CFAP74: variants seen among roughly 807,000 people sequenced by gnomAD.
The protein encoded by CFAP74 is cilia and flagella associated protein 74, also known as cilia- and flagella-associated protein 74.
Under a neutral mutation model 188.9 loss-of-function variants are expected in CFAP74, and 124 were observed. The ratio of observed to expected loss-of-function variants is 0.66; its 90% CI spans 0.57 to 0.76. The LOEUF (loss-of-function observed/expected upper bound fraction) is 0.76, where lower values mean the gene tolerates loss of function less well. Among genes scored for constraint, CFAP74 ranks in the 30% least tolerant of loss-of-function variants. The pLI is 0.00. For synonymous variants in CFAP74, 956 were observed against 916.7 expected, an observed-to-expected ratio of 1.04 and a Z score of -0.77; for missense variants, 2,198 against 2,165.2, an observed-to-expected ratio of 1.02 and a Z score of -0.30.
At chr1:1,938,793 G>A in intron 25 of CFAP74, 62 bp downstream of exon 25, 1 of 1,505,430 alleles carries the variant, frequency 6.6e-7, no homozygotes, top group Non-Finnish European at 8.9e-7. Context: ...GAGCTGGGAA[G>A]GGGGGCCCCT....
intron 10 of CFAP74, among the ~76,000 whole-genome samples, chr1:1,969,516 C>T (rs1655776033): frequency 6.6e-6 from 1 of 152,010 alleles, no homozygotes; most frequent in African/African-American, 2.4e-5. Context: ...AGTCCCCCAG[C>T]AGCCTTGGCT....
In CFAP74 at chr1:1,973,968, G is replaced by A. The variant is rs942014896; in HGVS notation, c.674+57C>T. On this transcript the variant is annotated intron_variant, in intron 7 of 38. Coordinates refer to ENST00000682832, the MANE Select transcript of CFAP74 (RefSeq NM_001304360.2). The surrounding 1 kb of genome is among the most constrained non-coding windows in gnomAD (Gnocchi z 6.2). ...TCTGGAGACCCCTGGGGGAGAGGGC[G>A]GAGGGGCTGGCAGAAGCTGCTGGGA... 16 of 1,447,772 alleles carry A rather than the reference G, an allele frequency of 1.1e-5. 1 individual carries two copies. Among genetic ancestry groups the A allele is most frequent in the East Asian group, 7.8e-5 (3 of 38,464 alleles). 89.7% of individuals were successfully genotyped at this position (1,447,772 alleles called of 1,614,324 possible).
At chr1:1,977,207 C>T (rs546105876) in intron 6 of CFAP74, among the ~76,000 whole-genome samples, 4 of 152,244 alleles carry the variant, frequency 2.6e-5, no homozygotes, top group South Asian at 2.1e-4. Flanking sequence ...CAAAGACTGA[C>T]GAACAATAGC....
Position 1,966,315 on chromosome 1 carries a change from C to T in CFAP74, c.1401+56G>A, listed in dbSNP as rs562176368. The T allele has an allele frequency of 4.3e-5, 61 of 1,412,130 alleles. 2 individuals carry two copies. The highest frequency in any genetic ancestry group is 2.6e-4 in the African/African-American group (18 of 68,070). The allele number at this position is 1,412,130 out of a possible 1,614,324, so 87.5% of individuals were successfully genotyped here. The stretch of plus-strand genomic sequence containing the variant: ...GGGGCAGGCGTGGGAGGTGGCGAGC[C>T]GGCGACAGAGGGCCGGGGTCCGTCT... On this transcript the variant is annotated intron_variant, in intron 12 of 38. Transcript: ENST00000682832.
chr1:1,964,846 G>A, intron 13 of CFAP74, 42 bp downstream of exon 13: 1 of 1,610,688 alleles, frequency 6.2e-7, no homozygotes, highest in Non-Finnish European at 8.5e-7. Context: ...CTGCTGTCCT[G>A]TGCTGCTGCC....
chr1:1,947,185 C>T, intron 18 of CFAP74, 131 bp from the exon 19 acceptor site: 1 of 729,376 alleles, frequency 1.4e-6, no homozygotes, highest in Non-Finnish European at 2.3e-6. Flanking sequence ...ATAGTGGAGC[C>T]ATCCGTGTGG....
At chr1:1,982,905 CCT>C (rs1656998384) in intron 6 of CFAP74, among the ~76,000 whole-genome samples, 1 of 152,224 alleles carries the variant, frequency 6.6e-6, no homozygotes, top group Admixed American at 6.5e-5. Context: ...GCGTTTCCCA[CCT>C]CTGTCTACTG....
chr1:1,988,871 C>G lies in CFAP74; in HGVS notation c.152+18G>C. ...CCACCCCCCCACACCCACCTCCACC[C>G]CCGATCCTCCGAGTTACCTGCTGTG... On this transcript the variant is annotated intron_variant, in intron 3 of 38. Transcript: ENST00000682832. The G allele has an allele frequency of 8.5e-7, 1 of 1,176,576 alleles. No homozygotes were observed. The highest frequency in any genetic ancestry group is 1.2e-5 in the South Asian group (1 of 80,368). 72.9% of individuals were successfully genotyped at this position (1,176,576 alleles called of 1,614,324 possible). A position where few individuals can be genotyped will look rare whatever the true frequency, so the allele number is the denominator to read the frequency against.
At chr1:1,983,025 G>A (rs1220213975) in intron 6 of CFAP74, among the ~76,000 whole-genome samples, 4 of 152,314 alleles carry the variant, frequency 2.6e-5, no homozygotes, top group South Asian at 2.1e-4. Context: ...CGCAGGATGC[G>A]GAAGGATGCC....
At chr1:1,959,595 C>T (rs78927713) in intron 15 of CFAP74, among the ~76,000 whole-genome samples, 16,513 of 152,196 alleles carry the variant, frequency 0.11, 1,563 homozygotes, top group African/African-American at 0.25. Flanking sequence ...TTACATGTGC[C>T]GTGGCTACCT....
chr1:2,003,403 T>C (rs1658298358), intron 1 of CFAP74, among the ~76,000 whole-genome samples: 1 of 152,158 alleles, frequency 6.6e-6, no homozygotes, highest in African/African-American at 2.4e-5. Context: ...CTCACGAGTC[T>C]TAACTGTTCA....
At chr1:1,999,376 A>C (rs1658084739) in intron 1 of CFAP74, among the ~76,000 whole-genome samples, 1 of 152,144 alleles carries the variant, frequency 6.6e-6, no homozygotes, top group African/African-American at 2.4e-5. Flanking sequence ...GTATGGGAAA[A>C]ATCAAAATTC....
intron 25 of CFAP74, among the ~76,000 whole-genome samples, chr1:1,936,727 G>A (rs1652922413): frequency 6.6e-6 from 1 of 151,812 alleles, no homozygotes; most frequent in Non-Finnish European, 1.5e-5. Context: ...AACATAGTGA[G>A]ACCCCATCTC....
intron 18 of CFAP74, 170 bp downstream of exon 18, chr1:1,955,521 A>C (rs1654544696): frequency 2.5e-6 from 4 of 1,609,370 alleles, no homozygotes; most frequent in African/African-American, 1.3e-5. Context: ...TCCAAAAACA[A>C]CACTTAGTGG....
chr1:1,992,409 T>C (rs1198105811), intron 1 of CFAP74, among the ~76,000 whole-genome samples: 1 of 152,028 alleles, frequency 6.6e-6, no homozygotes, highest in Admixed American at 6.6e-5. Context: ...CAGCCAGGAT[T>C]CACCCACCTC....
At chr1:1,954,406 C>A (rs1223758291) in intron 18 of CFAP74, 1 of 152,230 alleles carries the variant, frequency 6.6e-6, no homozygotes, top group East Asian at 1.9e-4. Context: ...TTTAAATAGC[C>A]AGATGTGGCA....
intron 1 of CFAP74, among the ~76,000 whole-genome samples, chr1:2,000,897 G>A (rs181697802): frequency 2.3e-4 from 35 of 152,192 alleles, no homozygotes; most frequent in East Asian, 7.7e-4. Context: ...TGAATCTCTC[G>A]CACAACCCCG....
chr1:1,927,385 C>T (rs920744311), intron 28 of CFAP74: 5 of 586,842 alleles, frequency 8.5e-6, no homozygotes, highest in African/African-American at 3.7e-5. Context: ...GCTCCCCACC[C>T]GTGGATTGAG....
At position 1,925,771 on chromosome 1, in the gene CFAP74, C is replaced by T. The variant is rs577741317; in HGVS notation, c.4104+12G>A. On this transcript the variant is annotated intron_variant, in intron 33 of 38. Coordinates refer to ENST00000682832, the MANE Select transcript of CFAP74 (RefSeq NM_001304360.2). ...AGGCTGGAGCCAGCACCAGGGCCCACGTGTGCTTCACCTTGAAGCCTGAGG... is the reference window on the plus strand; with the variant it reads ...AGGCTGGAGCCAGCACCAGGGCCCATGTGTGCTTCACCTTGAAGCCTGAGG... The T allele has an allele frequency of 1.2e-5, 19 of 1,606,612 alleles. 1 individual carries two copies. The highest frequency in any genetic ancestry group is 1.4e-5 in the Non-Finnish European group (16 of 1,175,610).
Sources: gnomAD v4.1 joint callset for allele counts (sites outside exome capture counted in the v4.1 genomes callset) on GRCh38, gnomAD v4.1.1 for gene constraint, Gnocchi (gnomAD v3.1) non-coding constraint, MANE v1.5 for transcripts, NCBI Gene and HGNC (gene_info 2026-07-23, HGNC 2026-07-21) for gene names.